The following NBAS variants were observed in gnomAD, a reference collection of about 807,000 sequenced individuals.
NBAS encodes the protein NAG/BC035112 fusion.
Under a neutral mutation model 302.5 loss-of-function variants are expected in NBAS, and 219 were observed. That is an observed-to-expected ratio of 0.72 (90% CI 0.65 to 0.81). NBAS has a LOEUF of 0.81. Among genes scored for constraint, NBAS ranks in the 30% least tolerant of loss-of-function variants. The pLI is 0.00. For synonymous variants in NBAS, 1,118 were observed against 1,021.6 expected (o/e 1.09, Z -1.80); for missense variants, 2,932 against 2,841.6 (o/e 1.03, Z -0.72).
the NBAS span, among the ~76,000 whole-genome samples, chr2:14,888,070 A>G: frequency 6.6e-6 from 1 of 152,170 alleles, no homozygotes; most frequent in African/African-American, 2.4e-5. Context: ...TGGTTAATGT[A>G]TAAGTAGAGA....
intron 48 of NBAS, among the ~76,000 whole-genome samples, chr2:15,215,115 T>G (rs1288265536): frequency 6.6e-6 from 1 of 152,066 alleles, no homozygotes; most frequent in Non-Finnish European, 1.5e-5. Context: ...ACTATGAGGA[T>G]TAACACAACA....
chr2:15,083,791 G>T, the NBAS span, among the ~76,000 whole-genome samples: 1 of 152,176 alleles, frequency 6.6e-6, no homozygotes, highest in Non-Finnish European at 1.5e-5. Context: ...TTGCAGTGTA[G>T]ACAATTGTGG....
At chr2:15,274,946 G>GTT (rs1038883194) in intron 44 of NBAS, among the ~76,000 whole-genome samples, 1 of 145,046 alleles carries the variant, frequency 6.9e-6, no homozygotes, top group Admixed American at 6.9e-5. Flanking sequence ...TTTTTTTTTG[G>GTT]TTTTTTTTTT....
chr2:15,465,440 C>T (rs554270061), intron 19 of NBAS, among the ~76,000 whole-genome samples: 1 of 152,310 alleles, frequency 6.6e-6, no homozygotes, highest in South Asian at 2.1e-4. Flanking sequence ...ACAATGTGAA[C>T]TCCATGAAGC....
At chr2:14,891,975 C>T in the NBAS span, among the ~76,000 whole-genome samples, 1 of 152,214 alleles carries the variant, frequency 6.6e-6, no homozygotes, top group Non-Finnish European at 1.5e-5. Flanking sequence ...GCCAAAACCA[C>T]TTACCCATCA....
At chr2:15,271,164 G>T (rs1371371851) in intron 44 of NBAS, among the ~76,000 whole-genome samples, 2 of 152,106 alleles carry the variant, frequency 1.3e-5, no homozygotes, top group Non-Finnish European at 2.9e-5. Context: ...AGGAGGAAAC[G>T]GTGGCTTATT....
At chr2:15,296,590 G>T (rs1022930232) in intron 40 of NBAS, among the ~76,000 whole-genome samples, 2 of 151,904 alleles carry the variant, frequency 1.3e-5, no homozygotes, top group African/African-American at 4.8e-5. Flanking sequence ...AAAGAAGGAT[G>T]TTCTACGAGG....
the NBAS span, among the ~76,000 whole-genome samples, chr2:15,072,324 G>C: frequency 6.6e-6 from 1 of 152,140 alleles, no homozygotes; most frequent in Non-Finnish European, 1.5e-5. Context: ...TGAAGTTCCT[G>C]TTCAGGTCTT....
chr2:14,865,699 A>G, the NBAS span, among the ~76,000 whole-genome samples: 1 of 152,208 alleles, frequency 6.6e-6, no homozygotes, highest in Non-Finnish European at 1.5e-5. Flanking sequence ...ATAATTATGT[A>G]CTAGACTTAT....
the NBAS span, among the ~76,000 whole-genome samples, chr2:15,129,614 CG>C: frequency 6.6e-6 from 1 of 152,170 alleles, no homozygotes; most frequent in East Asian, 1.9e-4. Context: ...TCCCTTCTTT[CG>C]GGGCCCAATT....
At chr2:15,000,876 C>T in the NBAS span, among the ~76,000 whole-genome samples, 1 of 152,164 alleles carries the variant, frequency 6.6e-6, no homozygotes, top group Non-Finnish European at 1.5e-5. Context: ...CTCACAGCAC[C>T]TTCAGAAGGG....
intron 40 of NBAS, among the ~76,000 whole-genome samples, chr2:15,307,794 C>T (rs1671095628): frequency 6.6e-6 from 1 of 151,696 alleles, no homozygotes; most frequent in East Asian, 1.9e-4. Context: ...ACTGACTACT[C>T]TCATACCTCT....
At chr2:15,072,105 A>G in the NBAS span, among the ~76,000 whole-genome samples, 1 of 152,204 alleles carries the variant, frequency 6.6e-6, no homozygotes, top group African/African-American at 2.4e-5. Context: ...GGCTCTGGAG[A>G]TATTTTCTCA....
the NBAS span, among the ~76,000 whole-genome samples, chr2:14,824,399 T>C: frequency 6.6e-6 from 1 of 152,110 alleles, no homozygotes; most frequent in Non-Finnish European, 1.5e-5. Flanking sequence ...TATTAAGAGG[T>C]AGGTTTTACC....
the NBAS span, among the ~76,000 whole-genome samples, chr2:14,931,660 C>G: frequency 1.4e-4 from 21 of 152,312 alleles, no homozygotes; most frequent in Middle Eastern, 6.8e-3. Flanking sequence ...GGTGGAAAAT[C>G]TGAGTACTCG....
chr2:15,234,405 G>C (rs904679789), intron 46 of NBAS, 140 bp downstream of exon 46: 152 of 841,838 alleles, frequency 1.8e-4, no homozygotes, highest in South Asian at 4.3e-4. Context: ...ATAAGACTAT[G>C]AGAACTCTAA....
Position 15,379,650 on chromosome 2 carries a change from T to G in NBAS, c.3542A>C (p.Tyr1181Ser). The G allele has an allele frequency of 6.2e-7, 1 of 1,613,970 alleles. No individual in the cohort carries two copies. Among genetic ancestry groups the G allele is most frequent in the Non-Finnish European group, 8.5e-7 (1 of 1,179,972 alleles). The stretch of plus-strand genomic sequence containing the variant: ...AGTGAGGTTGGTAGAAGAATTGAAG[T>G]ACTCTCTGCTGGCAGCCAAAACCAA... ...IDLVLAASRE[Y>S]FNSSTNLTDS... Residue 1181 changes from tyrosine to serine, a missense_variant, in exon 30 of 52, where the codon TAC (tyrosine) becomes TCC (serine). By Grantham distance (144) the Tyr-to-Ser change is moderately radical (BLOSUM62 -2). Coordinates refer to ENST00000281513, the MANE Select transcript of NBAS (RefSeq NM_015909.4).
chr2:14,876,974 C>T, the NBAS span, among the ~76,000 whole-genome samples: 2 of 152,222 alleles, frequency 1.3e-5, no homozygotes, highest in Non-Finnish European at 2.9e-5. Context: ...CATCCCAGGC[C>T]TACGAAAAGC....
chr2:14,973,838 G>A, the NBAS span, among the ~76,000 whole-genome samples: 42 of 152,304 alleles, frequency 2.8e-4, no homozygotes, highest in African/African-American at 9.9e-4. Flanking sequence ...AATGCTTTCT[G>A]TTGCCTACTG....
Sources: gnomAD v4.1 joint callset for allele counts (sites outside exome capture counted in the v4.1 genomes callset) on GRCh38, gnomAD v4.1.1 for gene constraint, MANE v1.5 for transcripts, NCBI Gene and HGNC (gene_info 2026-07-23, HGNC 2026-07-21) for gene names.